Variants in FGD2 observed in about 807,000 individuals in gnomAD.
FGD2 encodes FYVE, RhoGEF and PH domain-containing protein 2.
In FGD2, 52 loss-of-function variants were observed where a neutral mutation model predicts 75.9. That is an observed-to-expected ratio of 0.69 (90% confidence interval 0.55 to 0.86). FGD2 has a LOEUF of 0.86. Ranked by LOEUF, FGD2 falls within the 40% of genes least tolerant of loss-of-function variation. The probability of loss-of-function intolerance (pLI) is 0.00; values close to 1 mark genes in which losing one functional copy is unlikely to be tolerated. For synonymous variants in FGD2, 347 were observed against 348.6 expected (o/e 1.00, Z 0.05); for missense variants, 790 against 872.0 (o/e 0.91, Z 1.18).
rs746862311 is a variant in FGD2, at chr6:37,015,044, A to AG, written c.1029+9dup. 1.1e-5 allele frequency: 17 copies of AG among 1,611,552 alleles called. No individual in the cohort carries two copies. The East Asian group carries it at 1.3e-4, about 13-fold the overall frequency. ...TGGAGCGCTACCTTTTCTTGGTAAG[A>AG]GGGTGCTGGGAGCTCCTCTCCACAC... is the stretch of plus-strand genomic sequence containing the variant. On this transcript the variant is annotated splice_region_variant and intron_variant, in intron 8 of 15. Transcript: ENST00000274963.
rs1236824426 is a variant in FGD2 at position 37,009,075 on chromosome 6, G to A, written c.300+10G>A. The A allele has an allele frequency of 6.2e-7, 1 of 1,612,568 alleles. No individual in the cohort carries two copies. The highest frequency in any genetic ancestry group is 1.7e-5 in the Admixed American group (1 of 59,904). ...AGGATCGGGGACGCAGGTGCCTGAG[G>A]GCTGAGGTAGAGGTGTGGGGTGCTG... On this transcript the variant is annotated intron_variant, in intron 2 of 15. Transcript: ENST00000274963.
chr6:37,010,943 T>C, intron 2 of FGD2, 30 bp from the exon 3 acceptor site: 2 of 1,610,232 alleles, frequency 1.2e-6, no homozygotes, highest in Non-Finnish European at 1.7e-6. Flanking sequence ...TCCCCCTTTT[T>C]CTCCTTCTCT....
At chr6:37,021,128 T>G (rs1486300851) in intron 11 of FGD2, among the ~76,000 whole-genome samples, 6 of 150,630 alleles carry the variant, frequency 4.0e-5, no homozygotes, top group Non-Finnish European at 7.4e-5. Context: ...GTATGTGTCT[T>G]TGTGTGTCTG....
rs544414479 is a variant in FGD2, at chr6:37,012,129, G to A, written c.527+275G>A. ...CTTTGGGACAGTGAAAATAGCCAGTGCCAACTGAGGGCTTCCTACACGCCT... is the reference window on the plus strand; with the variant it reads ...CTTTGGGACAGTGAAAATAGCCAGTACCAACTGAGGGCTTCCTACACGCCT... On this transcript the variant is annotated intron_variant, in intron 4 of 15. Transcript: ENST00000274963. 178 of 363,478 alleles carry A rather than the reference G, an allele frequency of 4.9e-4. 1 individual carries two copies. The highest frequency in any genetic ancestry group is 3.4e-3 in the African/African-American group (160 of 47,092). 22.5% of individuals were successfully genotyped at this position (363,478 alleles called of 1,614,324 possible).
At chr6:37,011,542 G>A (rs1765003557) in intron 3 of FGD2, 164 bp from the exon 4 acceptor site, 1 of 954,174 alleles carries the variant, frequency 1.0e-6, no homozygotes, top group Admixed American at 2.3e-5. Flanking sequence ...AAAGTGGCCA[G>A]AACACAACCT....
chr6:37,011,421 C>G (rs1306713340), intron 3 of FGD2: 3 of 563,702 alleles, frequency 5.3e-6, no homozygotes, highest in Admixed American at 3.2e-5. Context: ...GCAGGGAGCT[C>G]TAGTCTGATG....
chr6:37,016,672 T>A (rs570309732), intron 9 of FGD2, among the ~76,000 whole-genome samples: 1 of 151,980 alleles, frequency 6.6e-6, no homozygotes, highest in Non-Finnish European at 1.5e-5. Flanking sequence ...TAGCTGGGAC[T>A]GTAGGCGCGA....
intron 15 of FGD2, 27 bp downstream of exon 15, chr6:37,027,602 G>T (rs201479750): frequency 1.2e-6 from 2 of 1,612,494 alleles, no homozygotes; most frequent in African/African-American, 2.7e-5. Context: ...CCCGCCCCCC[G>T]TCAGGCCCTG....
rs560978394 is a variant in FGD2, at chr6:37,014,713, C to G, written c.882+9C>G. 1.2e-6 allele frequency: 2 copies of G among 1,613,884 alleles called. No individual in the cohort carries two copies. The highest frequency in any genetic ancestry group is 1.6e-4 in the Middle Eastern group (1 of 6,082). ...CAGCCATCACTGAGATGGTAAGCAG[C>G]CCGCCCTCTCCTGGAGCCCTGTCCC... is the stretch of plus-strand genomic sequence containing the variant. On this transcript the variant is annotated intron_variant, in intron 7 of 15. Transcript: ENST00000274963.
intron 9 of FGD2, among the ~76,000 whole-genome samples, chr6:37,018,725 T>C (rs544282391): frequency 1.3e-4 from 20 of 152,250 alleles, no homozygotes; most frequent in African/African-American, 4.8e-4. Flanking sequence ...CAGACTATGA[T>C]ATATCATAGA....
At position 37,015,842 on chromosome 6, in the gene FGD2, C is replaced by A; in HGVS notation, c.1104C>A (p.Ile368=). 6.3e-7 allele frequency: 1 copy of A among 1,586,224 alleles called. No homozygotes were observed. Among genetic ancestry groups the A allele is most frequent in the South Asian group, 1.2e-5 (1 of 86,376 alleles). The change falls in exon 9 of 16, where the codon ATC becomes ATA. Residue 368 remains isoleucine, a synonymous_variant. Transcript: ENST00000274963. ...CCCAGTTCCAGGTGAGGACCCGCAT[C>A]GATGTGGCCGGGATGAAGGTAAGAG... ...VGAQFQVRTR[I]DVAGMKVREL...
intron 14 of FGD2, chr6:37,026,429 A>C: frequency 1.0e-6 from 1 of 982,188 alleles, no homozygotes; most frequent in Non-Finnish European, 1.2e-6. Context: ...GCCCAAGATC[A>C]CACAGCAAGT....
rs777447846 is a variant in FGD2, at chr6:37,025,858, G to C, written c.1525G>C (p.Val509Leu). The C allele has an allele frequency of 6.2e-7, 1 of 1,614,204 alleles. No individual in the cohort carries two copies. Among genetic ancestry groups the C allele is most frequent in the Admixed American group, 1.7e-5 (1 of 60,022 alleles). The change falls in exon 14 of 16, where the codon GTC becomes CTC. Residue 509 changes from valine (V) to leucine (L), a missense_variant. By Grantham distance (32) the Val-to-Leu change is conservative. Coordinates refer to ENST00000274963, the MANE Select transcript of FGD2 (RefSeq NM_173558.4). ...ATACGACGACAACAGGCCCAACCGAGTCTGCCTCCACTGCTACGCATTCCT... is the reference window on the plus strand; with the variant it reads ...ATACGACGACAACAGGCCCAACCGACTCTGCCTCCACTGCTACGCATTCCT... ...LKYDDNRPNR[V>L]CLHCYAFLTG...
intron 4 of FGD2, 53 bp downstream of exon 4, chr6:37,011,907 G>C: frequency 6.3e-7 from 1 of 1,585,122 alleles, no homozygotes; most frequent in Non-Finnish European, 8.6e-7. Flanking sequence ...TGGCCAGGTG[G>C]AGGTGGGGAG....
At chr6:37,022,788 C>T (rs747247507) in intron 13 of FGD2, 43 of 179,184 alleles carry the variant, frequency 2.4e-4, no homozygotes, top group Non-Finnish European at 4.6e-4. Flanking sequence ...CCCATCTTGG[C>T]CAAATCTGCT....
At position 37,028,985 on chromosome 6, in the gene FGD2, A is replaced by G. The variant is rs1247470232; in HGVS notation, c.*822A>G. ...ACCTGGGATGAAGAATAAAGAGAGC[A>G]AACTACCACAACCAATGGTTGAGCC... On this transcript the variant is annotated 3_prime_UTR_variant, in exon 16 of 16. Coordinates refer to ENST00000274963, the MANE Select transcript of FGD2 (RefSeq NM_173558.4). The G allele has an allele frequency of 6.6e-6, 1 of 151,992 alleles. No homozygotes were observed. Among genetic ancestry groups the G allele is most frequent in the Non-Finnish European group, 1.5e-5 (1 of 68,020 alleles). The allele number at this position is 151,992 out of a possible 1,614,324, so 9.4% of individuals were successfully genotyped here. A position where few individuals can be genotyped will look rare whatever the true frequency, so the allele number is the denominator to read the frequency against.
At chr6:37,020,435 T>G in intron 9 of FGD2, 106 bp from the exon 10 acceptor site, 1 of 1,093,402 alleles carries the variant, frequency 9.1e-7, no homozygotes, top group Non-Finnish European at 1.3e-6. Flanking sequence ...GTCTCTCGAA[T>G]TTGAATTGTC....
intron 11 of FGD2, among the ~76,000 whole-genome samples, chr6:37,021,020 A>G (rs892749330): frequency 1.4e-5 from 2 of 146,596 alleles, no homozygotes; most frequent in African/African-American, 5.2e-5. Flanking sequence ...GTGTACATGT[A>G]TGTGTGTATG....
At chr6:37,024,607 G>T (rs948733028) in intron 13 of FGD2, 2 of 152,106 alleles carry the variant, frequency 1.3e-5, no homozygotes, top group Admixed American at 6.5e-5. Flanking sequence ...TGTTCAATTT[G>T]TCTGTCGGTA....
Sources: gnomAD v4.1 joint callset for allele counts (sites outside exome capture counted in the v4.1 genomes callset) on GRCh38, gnomAD v4.1.1 for gene constraint, MANE v1.5 for transcripts, NCBI Gene and HGNC (gene_info 2026-07-23, HGNC 2026-07-21) for gene names.